Variants in L3MBTL4 observed in about 807,000 individuals in gnomAD.
L3MBTL4 encodes lethal(3)malignant brain tumor-like protein 4.
L3MBTL4 carries 70 observed loss-of-function variants against 84.5 expected under a neutral mutation model. The observed-to-expected ratio is 0.83, with a 90% CI of 0.68 to 1.01. The LOEUF is 1.01. L3MBTL4 is among the 50% of genes least tolerant of loss of function. The probability of loss-of-function intolerance (pLI) is 0.00; values close to 1 mark genes in which losing one functional copy is unlikely to be tolerated. For missense variants in L3MBTL4, 715 were observed against 754.8 expected, an observed-to-expected ratio of 0.95 and a Z score of 0.62; for synonymous variants, 274 against 259.8, an observed-to-expected ratio of 1.05 and a Z score of -0.52.
intron 12 of L3MBTL4, among the ~76,000 whole-genome samples, chr18:6,211,226 A>C (rs1380436614): frequency 6.6e-6 from 1 of 152,220 alleles, no homozygotes; most frequent in Non-Finnish European, 1.5e-5. Flanking sequence ...TTTGAAAATA[A>C]GAGAAGAGTG....
chr18:6,243,955 A>T (rs2047553394), intron 6 of L3MBTL4, among the ~76,000 whole-genome samples: 2 of 152,212 alleles, frequency 1.3e-5, no homozygotes, highest in Non-Finnish European at 2.9e-5. Context: ...ATCAATCAGT[A>T]AAGTAAATAA....
At chr18:6,299,747 A>G (rs1276947248) in intron 4 of L3MBTL4, among the ~76,000 whole-genome samples, 5 of 152,090 alleles carry the variant, frequency 3.3e-5, no homozygotes, top group Admixed American at 2.6e-4. Flanking sequence ...TTGGCTCACT[A>G]CAGCCTCGAC....
intron 14 of L3MBTL4, among the ~76,000 whole-genome samples, chr18:6,106,700 C>G (rs1048448296): frequency 2.0e-5 from 3 of 152,142 alleles, no homozygotes; most frequent in African/African-American, 7.2e-5. Context: ...TATTTCATAC[C>G]CACATATACA....
At chr18:6,302,189 C>T (rs1452589216) in intron 3 of L3MBTL4, among the ~76,000 whole-genome samples, 1 of 152,050 alleles carries the variant, frequency 6.6e-6, no homozygotes, top group Non-Finnish European at 1.5e-5. Context: ...ATAAAAGAGA[C>T]AGGAAGCTTT....
intron 13 of L3MBTL4, among the ~76,000 whole-genome samples, chr18:6,140,011 G>A (rs77344203): frequency 0.017 from 2,584 of 152,184 alleles, 80 homozygotes; most frequent in African/African-American, 0.058. Flanking sequence ...ACCCCAGCAC[G>A]TCAGTCACTT....
Position 6,244,465 on chromosome 18 carries a change from C to T in L3MBTL4, c.324+19G>A. ...CTGTCACTAGGCAATTAGCCCAAGA[C>T]AGTAACACCACCTCTTACCTCCGCT... is the stretch of plus-strand genomic sequence containing the variant. On this transcript the variant is annotated intron_variant, in intron 6 of 18. Coordinates refer to ENST00000317931, the MANE Select transcript of L3MBTL4 (RefSeq NM_001330559.2). The T allele has an allele frequency of 6.6e-7, 1 of 1,505,006 alleles. No individual in the cohort carries two copies. The highest frequency in any genetic ancestry group is 9.2e-7 in the Non-Finnish European group (1 of 1,081,870). 93.2% of individuals were successfully genotyped at this position (1,505,006 alleles called of 1,614,324 possible).
intron 12 of L3MBTL4, among the ~76,000 whole-genome samples, chr18:6,197,074 T>C (rs570569636): frequency 1.3e-5 from 2 of 152,370 alleles, no homozygotes; most frequent in Admixed American, 1.3e-4. Flanking sequence ...TAGTTGGTGT[T>C]AAAAGCTCTC....
intron 1 of L3MBTL4, among the ~76,000 whole-genome samples, chr18:6,410,075 A>G (rs2055902215): frequency 6.6e-6 from 1 of 152,044 alleles, no homozygotes; most frequent in African/African-American, 2.4e-5. Context: ...ATGGCATCCT[A>G]ACCAGTCTAA....
At chr18:6,251,876 C>G (rs2047937365) in intron 5 of L3MBTL4, among the ~76,000 whole-genome samples, 1 of 152,088 alleles carries the variant, frequency 6.6e-6, no homozygotes, top group Non-Finnish European at 1.5e-5. Context: ...CACTGCAGAG[C>G]AAAGAAGATG....
intron 7 of L3MBTL4, 96 bp downstream of exon 7, chr18:6,243,198 C>G (rs1462553593): frequency 1.7e-6 from 2 of 1,146,480 alleles, no homozygotes; most frequent in East Asian, 5.4e-5. Context: ...TCAATCCACA[C>G]CAGGATCTCT....
chr18:6,120,771 G>T (rs2059497188), intron 14 of L3MBTL4, among the ~76,000 whole-genome samples: 1 of 152,120 alleles, frequency 6.6e-6, no homozygotes, highest in Non-Finnish European at 1.5e-5. Context: ...CTTTACACCT[G>T]TGAGCTTCAT....
At chr18:6,392,728 C>G (rs1023004950) in intron 1 of L3MBTL4, among the ~76,000 whole-genome samples, 2 of 152,126 alleles carry the variant, frequency 1.3e-5, no homozygotes, top group African/African-American at 2.4e-5. Context: ...TCAGCCTAGG[C>G]AAAGAATTTA....
At chr18:6,384,031 A>G (rs1263846912) in intron 1 of L3MBTL4, among the ~76,000 whole-genome samples, 1 of 152,188 alleles carries the variant, frequency 6.6e-6, no homozygotes, top group Non-Finnish European at 1.5e-5. Context: ...CTAAGGGTGG[A>G]AGCCCAATAA....
At chr18:6,271,810 A>C (rs416329) in intron 4 of L3MBTL4, among the ~76,000 whole-genome samples, 27,446 of 151,832 alleles carry the variant, frequency 0.18, 5,487 homozygotes, top group African/African-American at 0.5. Context: ...GAGGGTTTTC[A>C]CGGGGCAGGG....
intron 16 of L3MBTL4, among the ~76,000 whole-genome samples, chr18:6,018,456 A>G (rs2145469598): frequency 6.6e-6 from 1 of 152,118 alleles, no homozygotes; most frequent in East Asian, 1.9e-4. Context: ...GATGACACCA[A>G]CCCCTTTTCC....
intron 1 of L3MBTL4, among the ~76,000 whole-genome samples, chr18:6,331,939 A>T (rs2052057442): frequency 6.6e-6 from 1 of 151,722 alleles, no homozygotes; most frequent in Non-Finnish European, 1.5e-5. Flanking sequence ...TTACAAGGCG[A>T]GATTAAAAAA....
chr18:6,017,527 T>C (rs2055049171), intron 16 of L3MBTL4, among the ~76,000 whole-genome samples: 1 of 152,224 alleles, frequency 6.6e-6, no homozygotes. Flanking sequence ...TGCCAGACAC[T>C]GAATTAAGGG....
intron 1 of L3MBTL4, among the ~76,000 whole-genome samples, chr18:6,351,877 G>A (rs542918024): frequency 6.6e-6 from 1 of 152,014 alleles, no homozygotes; most frequent in East Asian, 1.9e-4. Flanking sequence ...TAAGAGACAG[G>A]GTCTCAATAT....
At chr18:6,003,783 A>G (rs1375723463) in intron 16 of L3MBTL4, among the ~76,000 whole-genome samples, 2 of 152,160 alleles carry the variant, frequency 1.3e-5, no homozygotes, top group African/African-American at 2.4e-5. Context: ...TAAATAATCA[A>G]TGGGTCAAAG....
Sources: allele counts gnomAD v4.1 joint callset (sites outside exome capture counted in the v4.1 genomes callset), GRCh38; gene constraint gnomAD v4.1.1; transcripts MANE v1.5; gene names NCBI Gene and HGNC (gene_info 2026-07-23, HGNC 2026-07-21).